LITAF: variants seen among roughly 807,000 people sequenced by gnomAD.
LITAF encodes the protein lipopolysaccharide-induced tumor necrosis factor-alpha factor.
Under a neutral mutation model 14.5 loss-of-function variants are expected in LITAF, and 9 were observed. The observed-to-expected ratio is 0.62, with a 90% CI of 0.37 to 1.08. LITAF has a LOEUF of 1.08. Ranked by LOEUF, LITAF falls within the 50% of genes least tolerant of loss-of-function variation. LITAF has a pLI of 0.01. For missense variants in LITAF, 206 were observed against 213.4 expected (o/e 0.97, Z 0.22); for synonymous variants, 98 against 88.2 (o/e 1.11, Z -0.62).
At chr16:11,565,701 C>A (rs1255999689) in intron 1 of LITAF, among the ~76,000 whole-genome samples, 4 of 152,068 alleles carry the variant, frequency 2.6e-5, no homozygotes, top group African/African-American at 4.8e-5. Flanking sequence ...CCCCTACCAA[C>A]CGCACAGTCT....
chr16:11,631,898 G>A (rs980608510), intron 3 of LITAF, among the ~76,000 whole-genome samples: 19 of 145,808 alleles, frequency 1.3e-4, no homozygotes, highest in African/African-American at 4.9e-4. Flanking sequence ...TCTACAGGCT[G>A]GAGTGCAACA....
At chr16:11,610,855 G>C (rs546103638) in intron 3 of LITAF, among the ~76,000 whole-genome samples, 1 of 152,088 alleles carries the variant, frequency 6.6e-6, no homozygotes, top group African/African-American at 2.4e-5. Context: ...CTCTTGGGTG[G>C]GGCTGGGGAA....
At chr16:11,575,567 C>T (rs1459142892) in intron 1 of LITAF, 1 of 152,194 alleles carries the variant, frequency 6.6e-6, no homozygotes, top group Admixed American at 6.5e-5. Flanking sequence ...AACTTGAAAA[C>T]CCCCAGGGGG....
At chr16:11,552,947 C>G (rs527932964) in intron 3 of LITAF, among the ~76,000 whole-genome samples, 48 of 151,844 alleles carry the variant, frequency 3.2e-4, no homozygotes, top group African/African-American at 9.4e-4. Context: ...GACCCTATCT[C>G]TACTAAAAGT....
At chr16:11,624,709 G>A (rs1203286684) in intron 3 of LITAF, among the ~76,000 whole-genome samples, 2 of 152,148 alleles carry the variant, frequency 1.3e-5, no homozygotes, top group African/African-American at 4.8e-5. Context: ...ACATCTTCAG[G>A]AAGGGAAGTG....
chr16:11,579,050 G>A (rs1469467431), intron 1 of LITAF, among the ~76,000 whole-genome samples: 3 of 151,962 alleles, frequency 2.0e-5, no homozygotes, highest in East Asian at 1.9e-4. Flanking sequence ...TTAGCTGGGT[G>A]TGGTGGTGCG....
At chr16:11,552,015 T>C (rs1336334661) in intron 3 of LITAF, among the ~76,000 whole-genome samples, 1 of 152,182 alleles carries the variant, frequency 6.6e-6, no homozygotes, top group East Asian at 1.9e-4. Flanking sequence ...AAAGCTGTTT[T>C]GTCTCCTTCC....
upstream of LITAF, among the ~76,000 whole-genome samples, chr16:11,599,525 G>C (rs911700084): frequency 6.6e-6 from 1 of 152,156 alleles, no homozygotes; most frequent in Non-Finnish European, 1.5e-5. Flanking sequence ...CAGAATCACA[G>C]TTTTGATCTG....
intron 1 of LITAF, among the ~76,000 whole-genome samples, chr16:11,570,781 G>A (rs545069623): frequency 6.6e-5 from 10 of 152,112 alleles, no homozygotes; most frequent in Admixed American, 2.6e-4. Flanking sequence ...GTGTGATAGC[G>A]CACATGTATC....
chr16:11,548,840 C>T lies in LITAF; in HGVS notation c.*797G>A, dbSNP rs1256194564. The T allele has an allele frequency of 4.4e-6, 2 of 453,128 alleles. No individual in the cohort carries two copies. The highest frequency in any genetic ancestry group is 2.0e-5 in the African/African-American group (1 of 49,782). The allele number at this position is 453,128 out of a possible 1,614,324, so 28.1% of individuals were successfully genotyped here. A position where few individuals can be genotyped will look rare whatever the true frequency, so the allele number is the denominator to read the frequency against. The stretch of plus-strand genomic sequence containing the variant: ...TTTTTTAAAAAAAAGAAATTCTGTT[C>T]AAAAGTATTTCAGACCAAAAGGAGG... On this transcript the variant is annotated 3_prime_UTR_variant, in exon 4 of 4. Coordinates refer to ENST00000622633, the MANE Select transcript of LITAF (RefSeq NM_001136472.2).
At chr16:11,570,830 G>A (rs551237420) in intron 1 of LITAF, among the ~76,000 whole-genome samples, 1 of 151,936 alleles carries the variant, frequency 6.6e-6, no homozygotes, top group African/African-American at 2.4e-5. Context: ...AAGGAGGTTG[G>A]GGGGTGGGGT....
intron 1 of LITAF, 22 bp from the exon 2 acceptor site, chr16:11,556,757 C>A (rs2064277305): frequency 1.3e-6 from 2 of 1,587,268 alleles, no homozygotes; most frequent in Admixed American, 1.7e-5. Flanking sequence ...ACAGAACATA[C>A]CAGATAAGAA....
At chr16:11,564,031 C>A (rs917885306) in intron 1 of LITAF, among the ~76,000 whole-genome samples, 1 of 151,960 alleles carries the variant, frequency 6.6e-6, no homozygotes, top group Non-Finnish European at 1.5e-5. Flanking sequence ...CTCAGCCTCC[C>A]GAGAAGCTGG....
rs1349716945 is a variant in LITAF, at chr16:11,579,449, C to T, written c.-6+7437G>A. The stretch of plus-strand genomic sequence containing the variant: ...GTCCGGCCTGGGCGACAGAGCGAGA[C>T]TCCGTCTCAAAAAATAAAATAAAAT... On this transcript the variant is annotated intron_variant, in intron 1 of 3. Coordinates refer to ENST00000622633, the MANE Select transcript of LITAF (RefSeq NM_001136472.2). Among the ~76,000 whole-genome samples, 3 of 147,144 alleles carry T rather than the reference C, an allele frequency of 2.0e-5. 1 individual carries two copies. Among genetic ancestry groups the T allele is most frequent in the East Asian group, 2.0e-4 (1 of 5,046 alleles).
chr16:11,605,740 T>C lies in LITAF; in HGVS notation c.85+27793A>G, dbSNP rs2064952153. On this transcript the variant is annotated intron_variant, in intron 3 of 3. Transcript: ENST00000574848. The surrounding 1 kb of genome is among the most constrained non-coding windows in gnomAD (Gnocchi z 4.7). ...ATGATTGCACCACTGCACTCTAGCC[T>C]GGGCAACAGAGTGAGACCCTGTCTC... is the stretch of plus-strand genomic sequence containing the variant. Among the ~76,000 whole-genome samples the C allele has an allele frequency of 6.6e-6, 1 of 152,118 alleles. No homozygotes were observed. Among genetic ancestry groups the C allele is most frequent in the Non-Finnish European group, 1.5e-5 (1 of 68,020 alleles).
chr16:11,596,928 C>T (rs749939145), intron 1 of LITAF, among the ~76,000 whole-genome samples: 8 of 152,082 alleles, frequency 5.3e-5, no homozygotes, highest in Non-Finnish European at 1.2e-4. Flanking sequence ...CATCCACCAT[C>T]TCATTTTCTC....
At chr16:11,617,939 T>A (rs990385055) in intron 3 of LITAF, among the ~76,000 whole-genome samples, 3 of 151,698 alleles carry the variant, frequency 2.0e-5, no homozygotes, top group African/African-American at 7.3e-5. Flanking sequence ...AGCTCGAACA[T>A]AGCTCACTGC....
At chr16:11,554,908 G>A (rs1164112812) in intron 2 of LITAF, among the ~76,000 whole-genome samples, 1 of 151,692 alleles carries the variant, frequency 6.6e-6, no homozygotes, top group Non-Finnish European at 1.5e-5. Flanking sequence ...ACGTTAGAAT[G>A]TCATTTATAT....
At chr16:11,623,260 C>T (rs1358467600) in intron 3 of LITAF, among the ~76,000 whole-genome samples, 3 of 151,676 alleles carry the variant, frequency 2.0e-5, no homozygotes, top group East Asian at 1.9e-4. Flanking sequence ...CGCGCCCGGC[C>T]GAATATATTT....
Sources: allele counts gnomAD v4.1 joint callset (sites outside exome capture counted in the v4.1 genomes callset), GRCh38; gene constraint gnomAD v4.1.1; non-coding constraint Gnocchi (gnomAD v3.1); transcripts MANE v1.5; gene names NCBI Gene and HGNC (gene_info 2026-07-23, HGNC 2026-07-21).